The following PAX7 variants were observed in gnomAD, a reference collection of about 807,000 sequenced individuals.
PAX7 encodes paired box protein Pax-7.
PAX7 carries 18 observed loss-of-function variants against 50.7 expected under a neutral mutation model. The ratio of observed to expected loss-of-function variants is 0.36; its 90% CI spans 0.25 to 0.53. The LOEUF (loss-of-function observed/expected upper bound fraction) is 0.53, where lower values mean the gene tolerates loss of function less well. Ranked by LOEUF, PAX7 falls within the 20% of genes least tolerant of loss-of-function variation. The pLI is 0.93. For missense variants in PAX7, 644 were observed against 702.9 expected, an observed-to-expected ratio of 0.92 and a Z score of 0.95; for synonymous variants, 310 against 290.4, an observed-to-expected ratio of 1.07 and a Z score of -0.69.
intron 8 of PAX7, among the ~76,000 whole-genome samples, chr1:18,743,984 A>G (rs1557564252): frequency 1.3e-5 from 2 of 152,176 alleles, no homozygotes; most frequent in South Asian, 2.1e-4. Context: ...ACACACAAGT[A>G]TGCACCACTC....
chr1:18,651,536 A>G (rs1322054923), intron 4 of PAX7, among the ~76,000 whole-genome samples: 1 of 152,200 alleles, frequency 6.6e-6, no homozygotes, highest in East Asian at 1.9e-4. Context: ...CTATCCATCT[A>G]TCTGTTCAGA....
At chr1:18,651,829 C>T (rs571020768) in intron 4 of PAX7, among the ~76,000 whole-genome samples, 1 of 145,214 alleles carries the variant, frequency 6.9e-6, no homozygotes, top group Non-Finnish European at 1.5e-5. Context: ...CCGCCCCCCC[C>T]ACCCCACCGC....
intron 4 of PAX7, among the ~76,000 whole-genome samples, chr1:18,690,116 TC>T (rs2089045451): frequency 6.6e-6 from 1 of 152,166 alleles, no homozygotes; most frequent in Admixed American, 6.5e-5. Context: ...AGCCCAGGGC[TC>T]AGGTCCTACC....
chr1:18,647,127 G>C (rs1336919726), intron 4 of PAX7, among the ~76,000 whole-genome samples: 1 of 152,060 alleles, frequency 6.6e-6, no homozygotes, highest in Non-Finnish European at 1.5e-5. Flanking sequence ...TCCGGGCGAG[G>C]GGAGCCGGGC....
At chr1:18,641,814 G>T (rs2088260190) in intron 4 of PAX7, among the ~76,000 whole-genome samples, 1 of 152,160 alleles carries the variant, frequency 6.6e-6, no homozygotes, top group South Asian at 2.1e-4. Context: ...CCTGAGGCGC[G>T]ACCACAGCAG....
intron 5 of PAX7, among the ~76,000 whole-genome samples, chr1:18,699,542 T>C (rs1187910312): frequency 6.6e-6 from 1 of 150,772 alleles, no homozygotes; most frequent in Non-Finnish European, 1.5e-5. Flanking sequence ...TCCAGATAAG[T>C]GGGCTCTAGA....
intron 7 of PAX7, among the ~76,000 whole-genome samples, chr1:18,725,151 C>T (rs996973993): frequency 6.6e-5 from 10 of 152,140 alleles, no homozygotes; most frequent in Admixed American, 3.3e-4. Flanking sequence ...GGGGGCAAGC[C>T]GGGCCTGAGC....
At chr1:18,668,865 T>G (rs2088703830) in intron 4 of PAX7, among the ~76,000 whole-genome samples, 1 of 152,262 alleles carries the variant, frequency 6.6e-6, no homozygotes, top group South Asian at 2.1e-4. Flanking sequence ...GCCTTTGTCC[T>G]GGTTTGAGGC....
chr1:18,685,504 G>A (rs1254634380), intron 4 of PAX7, among the ~76,000 whole-genome samples: 1 of 152,222 alleles, frequency 6.6e-6, no homozygotes, highest in Non-Finnish European at 1.5e-5. Flanking sequence ...CGCCAAGAAA[G>A]GGAACTGAAA....
intron 4 of PAX7, among the ~76,000 whole-genome samples, chr1:18,673,466 C>T (rs981005622): frequency 6.6e-6 from 1 of 152,126 alleles, no homozygotes; most frequent in Non-Finnish European, 1.5e-5. Context: ...TCAGATTGTA[C>T]CACCCCCTGC....
intron 4 of PAX7, among the ~76,000 whole-genome samples, chr1:18,641,953 T>TCCC (rs111618204): frequency 1.4e-5 from 2 of 138,854 alleles, no homozygotes; most frequent in Admixed American, 7.2e-5. Context: ...CGGATTAACC[T>TCCC]CCCCCCCCCC....
intron 7 of PAX7, among the ~76,000 whole-genome samples, chr1:18,721,510 G>A (rs1266931206): frequency 2.0e-5 from 3 of 152,212 alleles, no homozygotes; most frequent in Admixed American, 6.5e-5. Flanking sequence ...CCACATGGCC[G>A]TGACTGAGTT....
chr1:18,642,853 G>T lies in PAX7; in HGVS notation c.586+6482G>T, dbSNP rs181841139. ...TCTCCAAAACTTCAAACGAAGTGGG[G>T]TGGGGGAGAGGTGAGGCGGGGAAGG... is the stretch of plus-strand genomic sequence containing the variant. On this transcript the variant is annotated intron_variant, in intron 4 of 8. Transcript: ENST00000420770. Among the ~76,000 whole-genome samples the T allele has an allele frequency of 9.3e-4, 141 of 152,172 alleles. 1 individual carries two copies. Among genetic ancestry groups the T allele is most frequent in the African/African-American group, 2.9e-3 (121 of 41,510 alleles).
At chr1:18,721,704 T>TA (rs767610316) in intron 7 of PAX7, among the ~76,000 whole-genome samples, 10 of 152,154 alleles carry the variant, frequency 6.6e-5, no homozygotes, top group African/African-American at 2.4e-4. Context: ...GATGTGGGGA[T>TA]AAAAAGAACC....
chr1:18,710,926 C>T (rs1011992313), intron 7 of PAX7, among the ~76,000 whole-genome samples: 2 of 152,214 alleles, frequency 1.3e-5, no homozygotes, highest in African/African-American at 2.4e-5. Context: ...TTCATTTCTC[C>T]GGCTTAGCAG....
In PAX7 at chr1:18,735,871, C is replaced by T. The variant is rs143552197; in HGVS notation, c.1395C>T (p.Tyr465=). ...DPVAGYQYGQ[Y]GQTAVDYLAK... ...TGGCCGGCTATCAGTACGGCCAGTA[C>T]GGCCAGAGTGAGTGCCTGGTGCCCT... The change falls in exon 8 of 9, where the codon TAC becomes TAT. Residue 465 remains tyrosine (Y), a synonymous_variant. Transcript: ENST00000420770. This position sits in a 1 kb window ranked among gnomAD's most constrained non-coding sequence, Gnocchi z 4.0. The T allele has an allele frequency of 3.0e-4, 483 of 1,614,108 alleles. 2 individuals carry two copies. In the African/African-American group the frequency reaches 4.3e-3, roughly 14 times the overall value.
chr1:18,645,393 G>C (rs891698091), intron 4 of PAX7, among the ~76,000 whole-genome samples: 2 of 152,236 alleles, frequency 1.3e-5, no homozygotes, highest in African/African-American at 4.8e-5. Flanking sequence ...CAGAAAAAGG[G>C]GTGGGGCGGC....
chr1:18,684,523 G>A (rs964510447), intron 4 of PAX7, among the ~76,000 whole-genome samples: 9 of 152,332 alleles, frequency 5.9e-5, no homozygotes, highest in Admixed American at 3.3e-4. Context: ...TACACCGTGC[G>A]CTGGTTACAG....
In PAX7 at chr1:18,636,918, G is replaced by A. The variant is rs2088168922; in HGVS notation, c.586+547G>A. On this transcript the variant is annotated intron_variant, in intron 4 of 8. Transcript: ENST00000420770. This position sits in a 1 kb window ranked among gnomAD's most constrained non-coding sequence, Gnocchi z 5.1. The stretch of plus-strand genomic sequence containing the variant: ...TCAATAAAAATTAGCCAGGGCCGCC[G>A]CCTGACTCAGCCCCGCGTTGCCAGG... Among the ~76,000 whole-genome samples, 1 of 152,162 alleles carries A rather than the reference G, an allele frequency of 6.6e-6. No individual in the cohort carries two copies. The highest frequency in any genetic ancestry group is 1.5e-5 in the Non-Finnish European group (1 of 68,034).
Sources: allele counts gnomAD v4.1 joint callset (sites outside exome capture counted in the v4.1 genomes callset), GRCh38; gene constraint gnomAD v4.1.1; non-coding constraint Gnocchi (gnomAD v3.1); transcripts MANE v1.5; gene names NCBI Gene and HGNC (gene_info 2026-07-23, HGNC 2026-07-21).